MAGI2: variants seen among roughly 807,000 people sequenced by gnomAD.
MAGI2 encodes the protein membrane associated guanylate kinase, WW and PDZ domain containing 2, also known as membrane-associated guanylate kinase, WW and PDZ domain-containing protein 2.
In MAGI2, 35 loss-of-function variants were observed where a neutral mutation model predicts 133.3. The observed-to-expected ratio is 0.26, with a 90% CI of 0.20 to 0.35. The LOEUF is 0.35. Among genes scored for constraint, MAGI2 ranks in the 10% least tolerant of loss-of-function variants. The pLI, the probability that MAGI2 is intolerant of heterozygous loss-of-function variation, is 1.00. For synonymous variants in MAGI2, 729 were observed against 710.6 expected, an observed-to-expected ratio of 1.03 and a Z score of -0.41; for missense variants, 1,636 against 1,863.4, an observed-to-expected ratio of 0.88 and a Z score of 2.25.
intron 1 of MAGI2, among the ~76,000 whole-genome samples, chr7:79,060,074 G>T (rs1428773612): frequency 6.6e-6 from 1 of 151,996 alleles, no homozygotes; most frequent in African/African-American, 2.4e-5. Flanking sequence ...CTAAGGAGAA[G>T]AAATCAATGG....
At chr7:78,334,806 A>G (rs932633940) in intron 9 of MAGI2, among the ~76,000 whole-genome samples, 3 of 152,224 alleles carry the variant, frequency 2.0e-5, no homozygotes, top group Admixed American at 6.5e-5. Context: ...ACTTTAAAAT[A>G]GATAAACCCA....
intron 2 of MAGI2, among the ~76,000 whole-genome samples, chr7:78,723,913 G>T (rs941655915): frequency 6.6e-6 from 1 of 152,118 alleles, no homozygotes; most frequent in Non-Finnish European, 1.5e-5. Context: ...AGCCACACTC[G>T]GGAATAACAT....
chr7:78,703,120 A>G (rs1818246693), intron 2 of MAGI2, among the ~76,000 whole-genome samples: 1 of 152,162 alleles, frequency 6.6e-6, no homozygotes, highest in East Asian at 1.9e-4. Context: ...CATAGAAGTC[A>G]GTACAGAAAA....
In MAGI2 at chr7:78,127,302, G is replaced by A. The variant is rs773172640; in HGVS notation, c.3318C>T (p.Tyr1106=). 1 of 1,611,982 alleles carries A rather than the reference G, an allele frequency of 6.2e-7. No homozygotes were observed. The highest frequency in any genetic ancestry group is 1.3e-5 in the African/African-American group (1 of 74,890). The change falls in exon 19 of 22, where the codon TAC becomes TAT. Residue 1106 remains tyrosine (Y), a synonymous_variant. Coordinates refer to ENST00000354212, the MANE Select transcript of MAGI2 (RefSeq NM_012301.4). ...LDYRQPPGGD[Y]QQPPPLDYRQ... Reference sequence around the variant, plus strand: ...TGTAGTCCAAGGGTGGGGGCTGCTGGTAGTCCCCTCCTGGGGGTTGCCTGT... The same window carrying A: ...TGTAGTCCAAGGGTGGGGGCTGCTGATAGTCCCCTCCTGGGGGTTGCCTGT...
At chr7:78,586,289 C>T (rs1208623007) in intron 3 of MAGI2, among the ~76,000 whole-genome samples, 4 of 152,274 alleles carry the variant, frequency 2.6e-5, no homozygotes, top group Non-Finnish European at 5.9e-5. Flanking sequence ...CTTTGGCTAG[C>T]TTAGCTGTGA....
At chr7:78,073,109 G>A (rs150753854) in intron 21 of MAGI2, 20 of 395,940 alleles carry the variant, frequency 5.1e-5, no homozygotes, top group African/African-American at 4.1e-4. Flanking sequence ...CTAAACAACT[G>A]TTTGATCCAT....
chr7:79,297,143 G>A (rs1439733185), intron 1 of MAGI2, among the ~76,000 whole-genome samples: 1 of 152,164 alleles, frequency 6.6e-6, no homozygotes, highest in Non-Finnish European at 1.5e-5. Context: ...TGCAGGCAAT[G>A]ACAAATTCAT....
intron 2 of MAGI2, among the ~76,000 whole-genome samples, chr7:78,764,588 T>C (rs1824826009): frequency 6.6e-6 from 1 of 152,246 alleles, no homozygotes; most frequent in African/African-American, 2.4e-5. Flanking sequence ...TCTTCCTCTC[T>C]GACAATTCAG....
chr7:79,174,543 G>A (rs1825919793), intron 1 of MAGI2, among the ~76,000 whole-genome samples: 1 of 151,838 alleles, frequency 6.6e-6, no homozygotes, highest in South Asian at 2.1e-4. Context: ...CATGTGTAAA[G>A]AGAACTTGGC....
intron 1 of MAGI2, among the ~76,000 whole-genome samples, chr7:79,360,466 T>C (rs1842310547): frequency 1.3e-5 from 2 of 152,048 alleles, no homozygotes; most frequent in East Asian, 3.9e-4. Flanking sequence ...AGCTGTAACA[T>C]AGGTACGTAC....
intron 2 of MAGI2, among the ~76,000 whole-genome samples, chr7:78,696,279 A>T (rs962775971): frequency 6.6e-6 from 1 of 152,132 alleles, no homozygotes; most frequent in Non-Finnish European, 1.5e-5. Context: ...AATTTTTACA[A>T]GTTAATTTTC....
chr7:79,440,052 C>G (rs1172321642), intron 1 of MAGI2, among the ~76,000 whole-genome samples: 1 of 152,136 alleles, frequency 6.6e-6, no homozygotes, highest in Non-Finnish European at 1.5e-5. Flanking sequence ...ACCATTTCTA[C>G]TCTGCTTGGC....
chr7:78,128,668 T>A (rs527494332), intron 18 of MAGI2, among the ~76,000 whole-genome samples: 70 of 152,170 alleles, frequency 4.6e-4, no homozygotes, highest in South Asian at 2.5e-3. Flanking sequence ...ATTAGTGCAA[T>A]CTAATATTTG....
At chr7:78,865,802 G>A (rs1470324883) in intron 2 of MAGI2, among the ~76,000 whole-genome samples, 1 of 152,126 alleles carries the variant, frequency 6.6e-6, no homozygotes, top group Non-Finnish European at 1.5e-5. Flanking sequence ...GTAGACTAAA[G>A]TCTAGAGAGA....
At chr7:78,719,372 A>G (rs1369924734) in intron 2 of MAGI2, among the ~76,000 whole-genome samples, 2 of 150,758 alleles carry the variant, frequency 1.3e-5, no homozygotes, top group East Asian at 2.0e-4. Flanking sequence ...AAAAAAATAA[A>G]GAAAAAAAAT....
intron 2 of MAGI2, among the ~76,000 whole-genome samples, chr7:78,841,773 T>C (rs1198375814): frequency 6.6e-6 from 1 of 152,018 alleles, no homozygotes; most frequent in Non-Finnish European, 1.5e-5. Flanking sequence ...AGAATTCCTG[T>C]TGTGTGGAAG....
chr7:78,196,182 C>T (rs1420263636), intron 11 of MAGI2, among the ~76,000 whole-genome samples: 3 of 152,098 alleles, frequency 2.0e-5, no homozygotes, highest in Non-Finnish European at 4.4e-5. Flanking sequence ...CTTCCTTCCC[C>T]TCTCTCATTT....
intron 6 of MAGI2, among the ~76,000 whole-genome samples, chr7:78,461,132 C>A (rs1028103188): frequency 1.3e-5 from 2 of 152,006 alleles, no homozygotes; most frequent in African/African-American, 4.8e-5. Flanking sequence ...GCCCATATTT[C>A]ATTCTATGTC....
intron 2 of MAGI2, among the ~76,000 whole-genome samples, chr7:78,792,987 A>G (rs1019617733): frequency 5.9e-5 from 9 of 152,260 alleles, no homozygotes; most frequent in African/African-American, 2.2e-4. Flanking sequence ...TTTCAGGCAC[A>G]TGCTACATTT....
Sources: allele counts gnomAD v4.1 joint callset (sites outside exome capture counted in the v4.1 genomes callset), GRCh38; gene constraint gnomAD v4.1.1; transcripts MANE v1.5; gene names NCBI Gene and HGNC (gene_info 2026-07-23, HGNC 2026-07-21).